Variants in ADGRB3 observed in about 807,000 individuals in gnomAD.
ADGRB3 encodes the protein adhesion G protein-coupled receptor B3.
In ADGRB3, 37 loss-of-function variants were observed where a neutral mutation model predicts 193.4. That is an observed-to-expected ratio of 0.19 (90% CI 0.15 to 0.25). The LOEUF is 0.25. Among genes scored for constraint, ADGRB3 ranks in the 10% least tolerant of loss-of-function variants. The pLI is 1.00. For synonymous variants in ADGRB3, 690 were observed against 644.2 expected, an observed-to-expected ratio of 1.07 and a Z score of -1.08; for missense variants, 1,637 against 1,852.9, an observed-to-expected ratio of 0.88 and a Z score of 2.14.
At position 69,361,135 on chromosome 6, in the gene ADGRB3, A is replaced by C. The variant is rs539620519; in HGVS notation, c.3862A>C (p.Asn1288His). The change falls in exon 29 of 32, where the codon AAT becomes CAT. Residue 1288 changes from asparagine to histidine, a missense_variant. Transcript: ENST00000370598. Reference protein sequence around the residue: ...RRTVYLCTDDNLRGADMDIVH... With the variant: ...RRTVYLCTDDHLRGADMDIVH... Reference sequence around the variant, plus strand: ...AACTGTGTACTTATGTACGGATGATAATTTGAGAGGGGCTGACATGGACAT... The same window carrying C: ...AACTGTGTACTTATGTACGGATGATCATTTGAGAGGGGCTGACATGGACAT... 6.2e-7 allele frequency: 1 copy of C among 1,612,922 alleles called. No individual in the cohort carries two copies. The highest frequency in any genetic ancestry group is 2.2e-5 in the East Asian group (1 of 44,826).
At chr6:69,123,754 A>G (rs529113730) in intron 17 of ADGRB3, among the ~76,000 whole-genome samples, 1 of 152,308 alleles carries the variant, frequency 6.6e-6, no homozygotes, top group African/African-American at 2.4e-5. Context: ...TACTTACTGC[A>G]AAGGCCAAGT....
intron 3 of ADGRB3, among the ~76,000 whole-genome samples, chr6:68,817,303 C>CAATATA (rs1767649039): frequency 3.1e-5 from 1 of 32,726 alleles, no homozygotes; most frequent in Non-Finnish European, 7.4e-5. Context: ...TCCCTTTTGT[C>CAATATA]CATGTATATA....
chr6:69,003,681 C>A (rs1474152138), intron 11 of ADGRB3, among the ~76,000 whole-genome samples: 1 of 152,058 alleles, frequency 6.6e-6, no homozygotes, highest in East Asian at 1.9e-4. Context: ...TATTTAAACC[C>A]CGCCCTTATT....
chr6:68,654,613 T>C (rs1768449262), intron 3 of ADGRB3, among the ~76,000 whole-genome samples: 1 of 151,928 alleles, frequency 6.6e-6, no homozygotes, highest in African/African-American at 2.4e-5. Flanking sequence ...TACACTTATA[T>C]GTGAATATAT....
At chr6:68,851,804 C>A (rs1768408357) in intron 3 of ADGRB3, among the ~76,000 whole-genome samples, 1 of 151,586 alleles carries the variant, frequency 6.6e-6, no homozygotes, top group African/African-American at 2.4e-5. Flanking sequence ...AACTACTTTT[C>A]TTGTGATTAT....
chr6:68,846,113 C>A (rs1768269931), intron 3 of ADGRB3, among the ~76,000 whole-genome samples: 1 of 152,124 alleles, frequency 6.6e-6, no homozygotes. Context: ...AATAAACTGG[C>A]AGCATTTTGC....
chr6:69,330,332 G>A (rs930159163), intron 22 of ADGRB3, among the ~76,000 whole-genome samples, 174 bp from the exon 23 acceptor site: 1 of 152,098 alleles, frequency 6.6e-6, no homozygotes, highest in Non-Finnish European at 1.5e-5. Context: ...TCTTACTTAT[G>A]AAATGATATA....
intron 3 of ADGRB3, among the ~76,000 whole-genome samples, chr6:68,746,252 T>G (rs957786882): frequency 6.6e-6 from 1 of 151,958 alleles, no homozygotes; most frequent in African/African-American, 2.4e-5. Context: ...CTATTTTAAT[T>G]TTTCTTTCTT....
intron 3 of ADGRB3, among the ~76,000 whole-genome samples, chr6:68,883,387 C>T (rs942945339): frequency 6.6e-6 from 1 of 152,176 alleles, no homozygotes; most frequent in Non-Finnish European, 1.5e-5. Context: ...GGAATAAAAG[C>T]AGGCTGCAGC....
intron 3 of ADGRB3, among the ~76,000 whole-genome samples, chr6:68,831,777 C>T (rs1199192510): frequency 6.6e-6 from 1 of 152,108 alleles, no homozygotes; most frequent in Non-Finnish European, 1.5e-5. Context: ...TAAGTTGTGC[C>T]CCCAAAGTTT....
chr6:69,271,109 A>G (rs1362597689), intron 20 of ADGRB3, among the ~76,000 whole-genome samples: 1 of 152,188 alleles, frequency 6.6e-6, no homozygotes, highest in African/African-American at 2.4e-5. Flanking sequence ...AAAAATAAGA[A>G]AAGCAGTCTT....
chr6:69,320,853 G>A (rs1157476864), intron 20 of ADGRB3, among the ~76,000 whole-genome samples: 3 of 150,728 alleles, frequency 2.0e-5, no homozygotes, highest in Non-Finnish European at 4.5e-5. Context: ...GTGTGTGTGT[G>A]TATCTTTAGT....
rs567251451 is a variant in ADGRB3 at position 69,085,582 on chromosome 6, A to G, written c.2480+9544A>G. Among the ~76,000 whole-genome samples the G allele has an allele frequency of 2.7e-5, 4 of 148,992 alleles. No homozygotes were observed. In the East Asian group the frequency reaches 7.8e-4, roughly 29 times the overall value. On this transcript the variant is annotated intron_variant, in intron 17 of 31. Coordinates refer to ENST00000370598, the MANE Select transcript of ADGRB3 (RefSeq NM_001704.3). ...TGACTCAGACTAATTTTTTTTTTCT[A>G]TTTTAGCTTTTATAAACAAAAGACT...
At chr6:69,184,611 G>C (rs1252887243) in intron 17 of ADGRB3, among the ~76,000 whole-genome samples, 52 of 151,908 alleles carry the variant, frequency 3.4e-4, no homozygotes. Flanking sequence ...TAGCATTATT[G>C]CCCTACTGGA....
intron 8 of ADGRB3, among the ~76,000 whole-genome samples, chr6:68,962,247 A>G (rs1038401210): frequency 1.1e-4 from 16 of 152,170 alleles, no homozygotes; most frequent in Non-Finnish European, 1.9e-4. Flanking sequence ...ATAGTATCCA[A>G]TCTTCTCAAA....
chr6:68,805,074 T>A (rs1014262509), intron 3 of ADGRB3, among the ~76,000 whole-genome samples: 1 of 152,008 alleles, frequency 6.6e-6, no homozygotes, highest in African/African-American at 2.4e-5. Context: ...ACAACAGACA[T>A]GCACCATCAT....
At chr6:68,800,108 G>A (rs1437923718) in intron 3 of ADGRB3, among the ~76,000 whole-genome samples, 5 of 152,118 alleles carry the variant, frequency 3.3e-5, no homozygotes, top group Admixed American at 2.6e-4. Flanking sequence ...CGGTTTATGA[G>A]GGATATCATG....
At chr6:69,086,393 G>A (rs1474384408) in intron 17 of ADGRB3, among the ~76,000 whole-genome samples, 2 of 152,016 alleles carry the variant, frequency 1.3e-5, no homozygotes, top group Non-Finnish European at 2.9e-5. Flanking sequence ...CAAGAATTAG[G>A]CAAATTTCAC....
intron 8 of ADGRB3, among the ~76,000 whole-genome samples, chr6:68,971,709 GC>G (rs1296385250): frequency 6.6e-6 from 1 of 152,240 alleles, no homozygotes; most frequent in African/African-American, 2.4e-5. Context: ...ATGTGTCCAG[GC>G]ATGACTGCCA....
Sources: allele counts gnomAD v4.1 joint callset (sites outside exome capture counted in the v4.1 genomes callset), GRCh38; gene constraint gnomAD v4.1.1; transcripts MANE v1.5; gene names NCBI Gene and HGNC (gene_info 2026-07-23, HGNC 2026-07-21).